PRNP: variants seen among roughly 807,000 people sequenced by gnomAD.
PRNP encodes major prion protein.
PRNP carries 15 observed loss-of-function variants against 21.3 expected under a neutral mutation model. The ratio of observed to expected loss-of-function variants is 0.71; its 90% CI spans 0.47 to 1.09. PRNP has a LOEUF of 1.09. PRNP is among the 50% of genes least tolerant of loss of function. The probability of loss-of-function intolerance (pLI) is 0.00; values close to 1 mark genes in which losing one functional copy is unlikely to be tolerated. For synonymous variants in PRNP, 121 were observed against 123.1 expected (o/e 0.98, Z 0.11); for missense variants, 285 against 340.9 (o/e 0.84, Z 1.29).
Position 4,699,191 on chromosome 20 carries a change from T to C in PRNP, c.-10-20T>C. 1 of 1,613,390 alleles carries C rather than the reference T, an allele frequency of 6.2e-7. No individual in the cohort carries two copies. The highest frequency in any genetic ancestry group is 8.5e-7 in the Non-Finnish European group (1 of 1,179,652). On this transcript the variant is annotated intron_variant, in intron 1 of 1. Coordinates refer to ENST00000379440, the MANE Select transcript of PRNP (RefSeq NM_000311.5). This position sits in a 1 kb window ranked among gnomAD's most constrained non-coding sequence, Gnocchi z 5.8. ...TCAACATAAATATGGGACTCTGACG[T>C]TCTCCTCTTCATTTTGCAGAGCAGT...
At chr20:4,691,499 T>G (rs913551606) in intron 1 of PRNP, among the ~76,000 whole-genome samples, 130 of 152,342 alleles carry the variant, frequency 8.5e-4, no homozygotes, top group African/African-American at 3.0e-3. Flanking sequence ...GTCAAACGCT[T>G]TTTCTGCATC....
intron 1 of PRNP, among the ~76,000 whole-genome samples, chr20:4,687,613 C>T (rs1431680832): frequency 6.6e-6 from 1 of 152,076 alleles, no homozygotes; most frequent in Non-Finnish European, 1.5e-5. Context: ...CTCGCAATTC[C>T]ACCACGGTCA....
Position 4,686,582 on chromosome 20 carries a change from G to T in PRNP, c.-11+70G>T, listed in dbSNP as rs1004568929. ...CGCGGGGGCCGAGTGAGGACCCCGG[G>T]CCTCGGGTCCCAGGCGCAAGGGTGC... On this transcript the variant is annotated intron_variant, in intron 1 of 1. Coordinates refer to ENST00000379440, the MANE Select transcript of PRNP (RefSeq NM_000311.5). The surrounding 1 kb of genome is among the most constrained non-coding windows in gnomAD (Gnocchi z 6.7). 1 of 151,654 alleles carries T rather than the reference G, an allele frequency of 6.6e-6. No homozygotes were observed. The highest frequency in any genetic ancestry group is 1.5e-5 in the Non-Finnish European group (1 of 67,864). 9.4% of individuals were successfully genotyped at this position (151,654 alleles called of 1,614,324 possible). A position where few individuals can be genotyped will look rare whatever the true frequency, so the allele number is the denominator to read the frequency against.
At chr20:4,694,191 T>C (rs549150875) in intron 1 of PRNP, among the ~76,000 whole-genome samples, 55 of 151,744 alleles carry the variant, frequency 3.6e-4, no homozygotes, top group South Asian at 6.3e-4. Context: ...TCTAGCCTTC[T>C]ATTTTTTTTT....
Position 4,699,491 on chromosome 20 carries a change from C to T in PRNP, c.271C>T (p.Gln91Ter). ...ACAGCCTCATGGTGGTGGCTGGGGT[C>T]AAGGAGGTGGCACCCACAGTCAGTG... ...WGQPHGGGWG[Q>*]GGGTHSQWNK... The change falls in exon 2 of 2, where the codon CAA becomes TAA. Residue 91 changes from glutamine (Q) to a stop codon, truncating the protein, a stop_gained. Transcript: ENST00000379440. LOFTEE classifies it high-confidence loss of function. The surrounding 1 kb of genome is among the most constrained non-coding windows in gnomAD (Gnocchi z 5.8). 6.2e-7 allele frequency: 1 copy of T among 1,613,420 alleles called. No homozygotes were observed. Among genetic ancestry groups the T allele is most frequent in the Non-Finnish European group, 8.5e-7 (1 of 1,179,842 alleles).
rs1057343224 is a variant in PRNP, at chr20:4,699,725, T to C, written c.505T>C (p.Tyr169His). ...AGTGTACTACAGGCCCATGGATGAGTACAGCAACCAGAACAACTTTGTGCA... is the reference window on the plus strand; with the variant it reads ...AGTGTACTACAGGCCCATGGATGAGCACAGCAACCAGAACAACTTTGTGCA... ...NQVYYRPMDE[Y>H]SNQNNFVHDC... Residue 169 changes from tyrosine (Y) to histidine (H), a missense_variant, in exon 2 of 2, where the codon TAC becomes CAC. Coordinates refer to ENST00000379440, the MANE Select transcript of PRNP (RefSeq NM_000311.5). The surrounding 1 kb of genome is among the most constrained non-coding windows in gnomAD (Gnocchi z 5.8). The C allele has an allele frequency of 1.2e-5, 20 of 1,613,520 alleles. No homozygotes were observed. The Admixed American group carries it at 3.2e-4, about 26-fold the overall frequency.
chr20:4,687,170 C>G (rs2122191720), intron 1 of PRNP, among the ~76,000 whole-genome samples: 1 of 152,290 alleles, frequency 6.6e-6, no homozygotes, highest in African/African-American at 2.4e-5. Flanking sequence ...GCCTGAGCTT[C>G]TCCGAGGGGG....
At chr20:4,691,028 T>G (rs1306365747) in intron 1 of PRNP, among the ~76,000 whole-genome samples, 1 of 152,140 alleles carries the variant, frequency 6.6e-6, no homozygotes, top group East Asian at 1.9e-4. Context: ...AACAGTGAAC[T>G]ATCAGGAAAG....
chr20:4,698,629 A>G lies in PRNP; in HGVS notation c.-10-582A>G, dbSNP rs964110307. 2.0e-5 allele frequency among the ~76,000 whole-genome samples: 3 copies of G among 152,184 alleles called. No homozygotes were observed. In the East Asian group the frequency reaches 5.8e-4, roughly 29 times the overall value. On this transcript the variant is annotated intron_variant, in intron 1 of 1. Transcript: ENST00000379440. ...AAGGAGAAAGAGAGAGAGAAAAACA[A>G]TTGCAGATCATCCCAGCACTGAGGA... is the stretch of plus-strand genomic sequence containing the variant.
chr20:4,694,229 G>A (rs1235663260), intron 1 of PRNP, among the ~76,000 whole-genome samples: 2 of 150,120 alleles, frequency 1.3e-5, no homozygotes, highest in Admixed American at 6.6e-5. Flanking sequence ...GGCTGGGCAT[G>A]GTGGCTCACA....
intron 1 of PRNP, among the ~76,000 whole-genome samples, chr20:4,691,350 G>C (rs1427231760): frequency 1.3e-5 from 2 of 152,172 alleles, no homozygotes; most frequent in East Asian, 1.9e-4. Flanking sequence ...TCAGATCTAA[G>C]AGGAAAAGCT....
Position 4,700,380 on chromosome 20 carries a change from AG to A in PRNP, c.*399del. ...GCTCAGTATACTAATGCCCTATCTTAGTAGAGATTTCATAGCTATTTAGAGA... is the reference window on the plus strand; with the variant it reads ...GCTCAGTATACTAATGCCCTATCTTATAGAGATTTCATAGCTATTTAGAGA... On this transcript the variant is annotated 3_prime_UTR_variant, in exon 2 of 2. Transcript: ENST00000379440. This position sits in a 1 kb window ranked among gnomAD's most constrained non-coding sequence, Gnocchi z 4.1. 2 of 361,274 alleles carry A rather than the reference AG, an allele frequency of 5.5e-6. No individual in the cohort carries two copies. The highest frequency in any genetic ancestry group is 1.1e-5 in the Non-Finnish European group (2 of 178,248). The allele number at this position is 361,274 out of a possible 1,614,324, so 22.4% of individuals were successfully genotyped here.
Position 4,699,869 on chromosome 20 carries a change from C to T in PRNP, c.649C>T (p.Gln217Ter). 1 of 1,613,884 alleles carries T rather than the reference C, an allele frequency of 6.2e-7. No individual in the cohort carries two copies. The highest frequency in any genetic ancestry group is 8.5e-7 in the Non-Finnish European group (1 of 1,179,958). Residue 217 changes from glutamine to a stop codon, truncating the protein, a stop_gained, in exon 2 of 2, where the codon CAG (glutamine) becomes TAG (stop). Transcript: ENST00000379440. LOFTEE classifies it high-confidence loss of function. This position sits in a 1 kb window ranked among gnomAD's most constrained non-coding sequence, Gnocchi z 5.8. ...ERVVEQMCIT[Q>*]YERESQAYYQ... ...CGTGGTTGAGCAGATGTGTATCACC[C>T]AGTACGAGAGGGAATCTCAGGCCTA...
At chr20:4,695,928 G>T (rs746549084) in intron 1 of PRNP, among the ~76,000 whole-genome samples, 5 of 152,196 alleles carry the variant, frequency 3.3e-5, no homozygotes, top group Non-Finnish European at 7.3e-5. Flanking sequence ...TGGTGCCCAT[G>T]TCAGCACACA....
intron 1 of PRNP, among the ~76,000 whole-genome samples, chr20:4,691,781 A>G (rs908542685): frequency 6.6e-6 from 1 of 152,106 alleles, no homozygotes; most frequent in African/African-American, 2.4e-5. Context: ...TTCTCCTGTT[A>G]TTAATTTCTA....
chr20:4,688,976 G>A (rs1921652013), intron 1 of PRNP, among the ~76,000 whole-genome samples: 1 of 152,114 alleles, frequency 6.6e-6, no homozygotes, highest in Non-Finnish European at 1.5e-5. Flanking sequence ...TGTTATATTT[G>A]CTACTTAGAA....
chr20:4,701,000 T>C lies in PRNP; in HGVS notation c.*1018T>C, dbSNP rs1414182100. Reference sequence around the variant, plus strand: ...GCATTTCTTTATTTCTGTCTCATAATTGTCAAAAACCAGAATTAGGTCAAG... The same window carrying C: ...GCATTTCTTTATTTCTGTCTCATAACTGTCAAAAACCAGAATTAGGTCAAG... On this transcript the variant is annotated 3_prime_UTR_variant, in exon 2 of 2. Coordinates refer to ENST00000379440, the MANE Select transcript of PRNP (RefSeq NM_000311.5). The surrounding 1 kb of genome is among the most constrained non-coding windows in gnomAD (Gnocchi z 4.1). 6.0e-6 allele frequency: 1 copy of C among 167,066 alleles called. No homozygotes were observed. The highest frequency in any genetic ancestry group is 1.9e-4 in the East Asian group (1 of 5,196). 10.3% of individuals were successfully genotyped at this position (167,066 alleles called of 1,614,324 possible).
chr20:4,700,857 A>G lies in PRNP; in HGVS notation c.*875A>G, dbSNP rs1057102541. On this transcript the variant is annotated 3_prime_UTR_variant, in exon 2 of 2. Transcript: ENST00000379440. The surrounding 1 kb of genome is among the most constrained non-coding windows in gnomAD (Gnocchi z 4.1). ...CACTGAAGGCAAATCTCCTTTGTCC[A>G]TTTACCTGGAAACCAGAATGATTTT... 3 of 166,934 alleles carry G rather than the reference A, an allele frequency of 1.8e-5. No homozygotes were observed. The East Asian group carries it at 5.8e-4, about 32-fold the overall frequency. The allele number at this position is 166,934 out of a possible 1,614,324, so 10.3% of individuals were successfully genotyped here. A position where few individuals can be genotyped will look rare whatever the true frequency, so the allele number is the denominator to read the frequency against.
intron 1 of PRNP, among the ~76,000 whole-genome samples, chr20:4,693,148 G>A (rs1185996682): frequency 6.6e-6 from 1 of 151,980 alleles, no homozygotes; most frequent in Non-Finnish European, 1.5e-5. Flanking sequence ...TCCCAGACCC[G>A]GGCAACTCTC....
Sources: allele counts gnomAD v4.1 joint callset (sites outside exome capture counted in the v4.1 genomes callset), GRCh38; gene constraint gnomAD v4.1.1; non-coding constraint Gnocchi (gnomAD v3.1); transcripts MANE v1.5; gene names NCBI Gene and HGNC (gene_info 2026-07-23, HGNC 2026-07-21).